The following THADA variants were observed in gnomAD, a reference collection of about 807,000 sequenced individuals.
THADA encodes tRNA (32-2'-O)-methyltransferase regulator THADA.
A neutral mutation model predicts 219.8 loss-of-function variants in THADA; 213 were observed. The ratio of observed to expected loss-of-function variants is 0.97; its 90% CI spans 0.87 to 1.09. The LOEUF is 1.09. THADA is among the 50% of genes least tolerant of loss of function. The pLI is 0.00. For missense variants in THADA, 2,956 were observed against 2,311.3 expected (o/e 1.28, Z -5.72); for synonymous variants, 1,018 against 828.9 (o/e 1.23, Z -3.92).
chr2:43,546,881 A>C (rs1401001409), intron 20 of THADA, among the ~76,000 whole-genome samples: 1 of 152,152 alleles, frequency 6.6e-6, no homozygotes, highest in East Asian at 1.9e-4. Context: ...ATTTAAAGTT[A>C]ATATTGTTAT....
rs766368134 is a variant in THADA, at chr2:43,572,918, G to T, written c.1804C>A (p.Arg602=). 6.2e-7 allele frequency: 1 copy of T among 1,613,860 alleles called. No homozygotes were observed. Among genetic ancestry groups the T allele is most frequent in the East Asian group, 2.2e-5 (1 of 44,864 alleles). Residue 602 remains arginine (R), a synonymous_variant, in exon 12 of 38, where the codon CGA becomes AGA. Coordinates refer to ENST00000405975, the MANE Select transcript of THADA (RefSeq NM_022065.5). ...GALGALMACL[R]IARAHGHLQS... ...AGATGTCCATGAGCTCTAGCTATTC[G>T]CAGACATGCCATCAAAGCTCCCAGA...
Position 43,571,386 on chromosome 2 carries a change from G to A in THADA, c.2064+321C>T, listed in dbSNP as rs185623455. 3.1e-3 allele frequency among the ~76,000 whole-genome samples: 474 copies of A among 151,970 alleles called. 4 individuals are homozygous for A. The highest frequency in any genetic ancestry group is 0.011 in the African/African-American group (457 of 41,444). ...CTGCTTCAGCCTCCCAAATAGCTAG[G>A]ACTACAGGCACACACTGCCACAACC... On this transcript the variant is annotated intron_variant, in intron 13 of 37. Coordinates refer to ENST00000405975, the MANE Select transcript of THADA (RefSeq NM_022065.5).
intron 31 of THADA, among the ~76,000 whole-genome samples, chr2:43,316,771 T>A (rs1678131337): frequency 6.6e-6 from 1 of 152,138 alleles, no homozygotes; most frequent in Middle Eastern, 3.4e-3. Flanking sequence ...CCACTAAGAA[T>A]ACAAAATTAG....
chr2:43,581,262 G>A (rs1045259379), intron 8 of THADA, among the ~76,000 whole-genome samples: 13 of 152,094 alleles, frequency 8.5e-5, no homozygotes, highest in African/African-American at 2.7e-4. Context: ...GGGCACAGTG[G>A]CTCACACCTG....
chr2:43,240,811 A>G (rs1668540007), intron 36 of THADA, among the ~76,000 whole-genome samples: 1 of 152,222 alleles, frequency 6.6e-6, no homozygotes, highest in African/African-American at 2.4e-5. Flanking sequence ...GTTTGTGGTT[A>G]ACAGTCTCTG....
chr2:43,311,528 G>T (rs1158300521), intron 31 of THADA, among the ~76,000 whole-genome samples: 2 of 152,262 alleles, frequency 1.3e-5, no homozygotes, highest in Middle Eastern at 3.4e-3. Flanking sequence ...ATACCCAAGA[G>T]AATTGAAAAC....
At chr2:43,474,203 A>G (rs944660619) in intron 26 of THADA, among the ~76,000 whole-genome samples, 1 of 152,206 alleles carries the variant, frequency 6.6e-6, no homozygotes, top group Non-Finnish European at 1.5e-5. Context: ...GAAGAAAGAT[A>G]CAGAAATAGA....
At chr2:43,571,085 A>G (rs1288110909) in intron 13 of THADA, among the ~76,000 whole-genome samples, 1 of 151,980 alleles carries the variant, frequency 6.6e-6, no homozygotes. Context: ...GCAAGACACT[A>G]TCTCTAAAAA....
intron 30 of THADA, among the ~76,000 whole-genome samples, chr2:43,320,785 T>C (rs1263054931): frequency 1.3e-5 from 2 of 152,182 alleles, no homozygotes; most frequent in African/African-American, 4.8e-5. Context: ...AACTCTATGC[T>C]CTGGCTTCAA....
At position 43,282,237 on chromosome 2, in the gene THADA, T is replaced by A. The variant is rs565165724; in HGVS notation, c.5165-2341A>T. ...GAAGCTTGACTAAGGTTTGTCACCC[T>A]TTGCTCTTATTCCTTCGGGTCTCAT... On this transcript the variant is annotated intron_variant, in intron 35 of 37. Transcript: ENST00000405975. Among the ~76,000 whole-genome samples, 4 of 152,330 alleles carry A rather than the reference T, an allele frequency of 2.6e-5. No homozygotes were observed. In the South Asian group the frequency reaches 6.2e-4, roughly 24 times the overall value.
chr2:43,561,962 C>A (rs1698120445), intron 15 of THADA, among the ~76,000 whole-genome samples: 3 of 152,122 alleles, frequency 2.0e-5, no homozygotes, highest in African/African-American at 7.2e-5. Context: ...TAAAAGGGTA[C>A]TGAATTCTGT....
intron 36 of THADA, among the ~76,000 whole-genome samples, chr2:43,259,971 C>T (rs1293039729): frequency 6.6e-6 from 1 of 152,198 alleles, no homozygotes; most frequent in African/African-American, 2.4e-5. Flanking sequence ...ACAGCTCTCA[C>T]CCCAGGTGAC....
chr2:43,323,899 AGTTCCAAGG>A (rs1679029893), intron 30 of THADA, among the ~76,000 whole-genome samples: 2 of 152,246 alleles, frequency 1.3e-5, no homozygotes, highest in African/African-American at 4.8e-5. Flanking sequence ...TGGCTTCTCC[AGTTCCAAGG>A]AGCGGCAGCT....
chr2:43,469,072 A>G (rs1184437523), intron 26 of THADA, among the ~76,000 whole-genome samples: 1 of 152,186 alleles, frequency 6.6e-6, no homozygotes, highest in Non-Finnish European at 1.5e-5. Flanking sequence ...GTCCTCAAGC[A>G]AGTTGGTCAG....
At chr2:43,469,055 G>C (rs532962382) in intron 26 of THADA, among the ~76,000 whole-genome samples, 1 of 152,104 alleles carries the variant, frequency 6.6e-6, no homozygotes, top group Non-Finnish European at 1.5e-5. Flanking sequence ...TATGAGCCCC[G>C]GACCCTGTCC....
rs114176334 is a variant in THADA, at chr2:43,497,533, T to C, written c.3744+1300A>G. On this transcript the variant is annotated intron_variant, in intron 25 of 37. Transcript: ENST00000405975. Reference sequence around the variant, plus strand: ...GGGGAACAACACACACCAGGGCCTGTTGGAGTCAGGAAGGGAGGGAGAACA... The same window carrying C: ...GGGGAACAACACACACCAGGGCCTGCTGGAGTCAGGAAGGGAGGGAGAACA... Among the ~76,000 whole-genome samples, 1,108 of 152,040 alleles carry C rather than the reference T, an allele frequency of 7.3e-3. 9 individuals are homozygous for C. The highest frequency in any genetic ancestry group is 0.025 in the African/African-American group (1,055 of 41,496).
intron 21 of THADA, among the ~76,000 whole-genome samples, chr2:43,539,293 T>C (rs1475093479): frequency 1.3e-5 from 2 of 152,218 alleles, no homozygotes; most frequent in African/African-American, 2.4e-5. Context: ...GTACCTCAGG[T>C]GTGGCCCAGC....
intron 29 of THADA, among the ~76,000 whole-genome samples, chr2:43,359,614 A>G (rs547901962): frequency 6.6e-6 from 1 of 152,348 alleles, no homozygotes; most frequent in African/African-American, 2.4e-5. Context: ...TGGGAGGCGG[A>G]GGTTGCAGTG....
rs1377211484 is a variant in THADA, at chr2:43,560,350, T to A, written c.2347A>T (p.Ile783Phe). Residue 783 changes from isoleucine (I) to phenylalanine (F), a missense_variant, in exon 16 of 38, where the codon ATT becomes TTT. Physicochemically the swap from Ile to Phe is conservative, Grantham distance 21 (BLOSUM62 0). Transcript: ENST00000405975. ...IYTVYQLSHD[I>F]DVGRFQTLME... ...AGTGTTTGGAAACGACCAACATCAA[T>A]ATCATGACTCAGCTGATATACTGTA... 6.2e-7 allele frequency: 1 copy of A among 1,611,564 alleles called. No individual in the cohort carries two copies. Among genetic ancestry groups the A allele is most frequent in the Non-Finnish European group, 8.5e-7 (1 of 1,178,760 alleles).
Sources: allele counts gnomAD v4.1 joint callset (sites outside exome capture counted in the v4.1 genomes callset), GRCh38; gene constraint gnomAD v4.1.1; transcripts MANE v1.5; gene names NCBI Gene and HGNC (gene_info 2026-07-23, HGNC 2026-07-21).